Variants in USP34 observed in about 807,000 individuals in gnomAD.
The protein encoded by USP34 is ubiquitin specific peptidase 34.
USP34 carries 70 observed loss-of-function variants against 460.3 expected under a neutral mutation model. The ratio of observed to expected loss-of-function variants is 0.15; its 90% CI spans 0.13 to 0.19. The LOEUF (loss-of-function observed/expected upper bound fraction) is 0.19, where lower values mean the gene tolerates loss of function less well. Among genes scored for constraint, USP34 ranks in the 10% least tolerant of loss-of-function variants. The pLI is 1.00. For synonymous variants in USP34, 1,647 were observed against 1,405.3 expected (o/e 1.17, Z -3.85); for missense variants, 3,985 against 4,236.2 (o/e 0.94, Z 1.65).
intron 67 of USP34, 22 bp from the exon 68 acceptor site, chr2:61,214,716 T>A (rs866382546): frequency 1.2e-6 from 2 of 1,610,520 alleles, no homozygotes; most frequent in Admixed American, 3.4e-5. Flanking sequence ...AAAACAAAAC[T>A]GTCAGATCCT....
chr2:61,324,939 T>C (rs1441097877), intron 21 of USP34, among the ~76,000 whole-genome samples: 3 of 152,092 alleles, frequency 2.0e-5, no homozygotes, highest in Non-Finnish European at 4.4e-5. Flanking sequence ...ATCATGTCCT[T>C]TGCAGCAACA....
rs752035213 is a variant in USP34 at position 61,325,358 on chromosome 2, C to T, written c.3013+17G>A. ...AGTCAAAACAGATTTTTAAAAAGTA[C>T]TGATTAAAAAACTTACTGAAATGAT... is the stretch of plus-strand genomic sequence containing the variant. On this transcript the variant is annotated intron_variant, in intron 21 of 79. Transcript: ENST00000398571. The T allele has an allele frequency of 4.7e-6, 7 of 1,495,250 alleles. No individual in the cohort carries two copies. Among genetic ancestry groups the T allele is most frequent in the Non-Finnish European group, 6.3e-6 (7 of 1,114,784 alleles). 92.6% of individuals were successfully genotyped at this position (1,495,250 alleles called of 1,614,324 possible).
At chr2:61,252,146 T>G (rs1250764036) in intron 48 of USP34, among the ~76,000 whole-genome samples, 2 of 152,150 alleles carry the variant, frequency 1.3e-5, no homozygotes, top group Admixed American at 6.5e-5. Context: ...AAGGAGGTCT[T>G]TGGTTCAGAG....
chr2:61,407,985 G>A (rs1558577200), intron 2 of USP34, among the ~76,000 whole-genome samples: 2 of 151,958 alleles, frequency 1.3e-5, no homozygotes, highest in Non-Finnish European at 2.9e-5. Flanking sequence ...CGTGGTGGTG[G>A]GCACCTGTAA....
At chr2:61,336,224 A>G (rs1691411658) in intron 18 of USP34, among the ~76,000 whole-genome samples, 1 of 150,154 alleles carries the variant, frequency 6.7e-6, no homozygotes, top group African/African-American at 2.5e-5. Flanking sequence ...GGCTCACTGC[A>G]GCCTTGACTT....
chr2:61,408,122 T>G (rs2593637), intron 2 of USP34, among the ~76,000 whole-genome samples: 10 of 151,740 alleles, frequency 6.6e-5, no homozygotes, highest in African/African-American at 2.4e-4. Context: ...CACAAAAAAA[T>G]AAAAAATAAA....
intron 47 of USP34, among the ~76,000 whole-genome samples, 164 bp downstream of exon 47, chr2:61,256,709 A>G (rs1268046556): frequency 6.6e-6 from 1 of 152,162 alleles, no homozygotes; most frequent in East Asian, 1.9e-4. Context: ...TGGGCAAGAA[A>G]AAGCTTTATG....
chr2:61,334,297 A>C (rs1186138474), intron 18 of USP34, among the ~76,000 whole-genome samples: 1 of 152,146 alleles, frequency 6.6e-6, no homozygotes, highest in African/African-American at 2.4e-5. Flanking sequence ...CTAAATTCTC[A>C]ATATGATTTG....
At chr2:61,227,736 CA>C (rs11328095) in intron 61 of USP34, among the ~76,000 whole-genome samples, 72,477 of 148,098 alleles carry the variant, frequency 0.49, 18,771 homozygotes, top group African/African-American at 0.7. Context: ...AACAAACAAA[CA>C]AAAAAAAAAC....
chr2:61,424,404 C>A (rs1694449560), intron 1 of USP34, among the ~76,000 whole-genome samples: 1 of 152,194 alleles, frequency 6.6e-6, no homozygotes, highest in South Asian at 2.1e-4. Context: ...TTACTCGGTG[C>A]ATGACTGTAC....
At chr2:61,233,529 G>A (rs1344497919) in intron 57 of USP34, among the ~76,000 whole-genome samples, 3 of 152,178 alleles carry the variant, frequency 2.0e-5, no homozygotes, top group Admixed American at 2.0e-4. Context: ...TAGATGACAA[G>A]AATAAATCAC....
chr2:61,426,867 G>T (rs1001049209), intron 1 of USP34, among the ~76,000 whole-genome samples: 1 of 152,190 alleles, frequency 6.6e-6, no homozygotes, highest in Non-Finnish European at 1.5e-5. Flanking sequence ...CAGCGAGACC[G>T]TGTGTTTGGG....
intron 20 of USP34, among the ~76,000 whole-genome samples, chr2:61,330,060 T>C (rs138873133): frequency 1.3e-5 from 2 of 152,280 alleles, no homozygotes; most frequent in Non-Finnish European, 2.9e-5. Context: ...AGACATGGGG[T>C]ATATTTTAAC....
intron 42 of USP34, 197 bp downstream of exon 42, chr2:61,265,787 A>G: frequency 1.4e-6 from 1 of 700,258 alleles, no homozygotes. Flanking sequence ...TTTTACAGAA[A>G]AAGCCGAAGT....
chr2:61,467,996 CAG>C (rs1695831512), intron 1 of USP34, among the ~76,000 whole-genome samples: 2 of 151,946 alleles, frequency 1.3e-5, no homozygotes, highest in African/African-American at 2.4e-5. Context: ...GGGAAAAGGG[CAG>C]ACTTTATAGG....
At chr2:61,233,255 C>A (rs568400991) in intron 57 of USP34, among the ~76,000 whole-genome samples, 1 of 151,944 alleles carries the variant, frequency 6.6e-6, no homozygotes, top group Non-Finnish European at 1.5e-5. Flanking sequence ...CTGGATCTAT[C>A]GAACAGCCAT....
chr2:61,199,275 G>A (rs1356269490), intron 75 of USP34, among the ~76,000 whole-genome samples: 1 of 150,182 alleles, frequency 6.7e-6, no homozygotes, highest in Non-Finnish European at 1.5e-5. Flanking sequence ...TTTTTTTTGA[G>A]ACGGAGTTTC....
intron 1 of USP34, among the ~76,000 whole-genome samples, chr2:61,438,850 T>G (rs991076385): frequency 2.6e-5 from 4 of 152,082 alleles, no homozygotes; most frequent in African/African-American, 9.7e-5. Context: ...GCATCCAAAT[T>G]GGAAATGAAG....
Position 61,462,241 on chromosome 2 carries a change from G to A in USP34, c.43+8409C>T, listed in dbSNP as rs75103022. 4.4e-5 allele frequency among the ~76,000 whole-genome samples: 6 copies of A among 136,550 alleles called. No homozygotes were observed. In the Admixed American group the frequency reaches 4.4e-4, roughly 10 times the overall value. The allele number at this position is 136,550 out of a possible 152,430, so 89.6% of individuals were successfully genotyped here. On this transcript the variant is annotated intron_variant, in intron 1 of 79. Coordinates refer to ENST00000398571, the MANE Select transcript of USP34 (RefSeq NM_014709.4). ...GGCAACAGAACAAGACTCCATCTCA[G>A]GGGGAAAAAAAAAAAAAAGAAAATC...
Sources: allele counts gnomAD v4.1 joint callset (sites outside exome capture counted in the v4.1 genomes callset), GRCh38; gene constraint gnomAD v4.1.1; transcripts MANE v1.5; gene names NCBI Gene and HGNC (gene_info 2026-07-23, HGNC 2026-07-21).